Variants in CHST9 observed in about 807,000 individuals in gnomAD.
CHST9 encodes the protein GalNAc-4-sulfotransferase 2.
CHST9 carries 41 observed loss-of-function variants against 44.4 expected under a neutral mutation model. That is an observed-to-expected ratio of 0.92 (90% CI 0.72 to 1.20). The LOEUF is 1.20. CHST9 is among the 50% of genes most tolerant of loss of function. The probability of loss-of-function intolerance (pLI) is 0.00; values close to 1 mark genes in which losing one functional copy is unlikely to be tolerated. For missense variants in CHST9, 504 were observed against 516.5 expected (o/e 0.98, Z 0.23); for synonymous variants, 171 against 178.4 (o/e 0.96, Z 0.33).
chr18:26,941,545 T>A (rs898228435), intron 5 of CHST9, among the ~76,000 whole-genome samples: 5 of 151,956 alleles, frequency 3.3e-5, no homozygotes, highest in African/African-American at 1.2e-4. Context: ...ATCATAAAAA[T>A]TATTTAGAAA....
chr18:27,158,844 T>C (rs1017211044), intron 1 of CHST9, among the ~76,000 whole-genome samples: 2 of 152,226 alleles, frequency 1.3e-5, no homozygotes, highest in African/African-American at 4.8e-5. Context: ...TTTGCATTTC[T>C]CTGATGGCCA....
chr18:26,927,969 C>G (rs2055803649), intron 5 of CHST9, among the ~76,000 whole-genome samples: 1 of 149,408 alleles, frequency 6.7e-6, no homozygotes, highest in Admixed American at 6.8e-5. Flanking sequence ...TCCCTGGGTA[C>G]TTGAGATTAG....
intron 4 of CHST9, among the ~76,000 whole-genome samples, chr18:26,963,958 T>G (rs183452984): frequency 5.9e-5 from 9 of 152,246 alleles, no homozygotes; most frequent in Admixed American, 5.2e-4. Context: ...AACACAACCT[T>G]AAGAAGGAAA....
At chr18:27,071,175 A>G (rs2057835772) in intron 2 of CHST9, among the ~76,000 whole-genome samples, 2 of 152,150 alleles carry the variant, frequency 1.3e-5, no homozygotes, top group Non-Finnish European at 2.9e-5. Context: ...TCAGCTCTCT[A>G]GCACCTTTGT....
intron 2 of CHST9, among the ~76,000 whole-genome samples, chr18:27,085,821 A>G (rs1568166098): frequency 6.6e-6 from 1 of 152,210 alleles, no homozygotes. Flanking sequence ...ATGCATGTGT[A>G]TGTTCATTGC....
Position 27,016,176 on chromosome 18 carries a change from G to C in CHST9, c.202+7940C>G, listed in dbSNP as rs183618566. 2.6e-4 allele frequency among the ~76,000 whole-genome samples: 40 copies of C among 152,308 alleles called. No homozygotes were observed. The East Asian group carries it at 7.3e-3, about 28-fold the overall frequency. ...GCTATATACACCTCATGCTTCTTTT[G>C]TAAGGAGTGTGGCTTGGCTTATAAG... On this transcript the variant is annotated intron_variant, in intron 4 of 5. Transcript: ENST00000618847.
At chr18:26,958,934 G>C (rs1466777886) in intron 4 of CHST9, among the ~76,000 whole-genome samples, 2 of 152,170 alleles carry the variant, frequency 1.3e-5, no homozygotes, top group Admixed American at 1.3e-4. Context: ...ACTTAAAATG[G>C]AAGTTCCATT....
At chr18:27,135,393 A>C (rs2058505372) in intron 2 of CHST9, among the ~76,000 whole-genome samples, 1 of 152,176 alleles carries the variant, frequency 6.6e-6, no homozygotes, top group South Asian at 2.1e-4. Context: ...TTTATTGTTC[A>C]ACTTTTTATA....
At chr18:27,178,956 A>G (rs1471341111) in intron 1 of CHST9, among the ~76,000 whole-genome samples, 2 of 151,946 alleles carry the variant, frequency 1.3e-5, no homozygotes, top group Non-Finnish European at 2.9e-5. Flanking sequence ...TTAAAAATAT[A>G]AGCCTTAATA....
intron 3 of CHST9, among the ~76,000 whole-genome samples, chr18:27,030,996 C>T (rs1006817130): frequency 4.6e-5 from 7 of 152,098 alleles, no homozygotes; most frequent in African/African-American, 1.7e-4. Flanking sequence ...TTTAATAGTC[C>T]ACCCCACCCC....
intron 2 of CHST9, among the ~76,000 whole-genome samples, chr18:27,065,576 G>A (rs1008979800): frequency 2.2e-5 from 3 of 134,018 alleles, no homozygotes; most frequent in East Asian, 2.2e-4. Context: ...TTATAGAGTC[G>A]TTCACTGCTT....
At chr18:27,058,428 C>T (rs950097502) in intron 2 of CHST9, among the ~76,000 whole-genome samples, 1 of 152,166 alleles carries the variant, frequency 6.6e-6, no homozygotes, top group African/African-American at 2.4e-5. Context: ...CCCTTCCCCT[C>T]GAATCTCTGC....
chr18:26,928,930 G>C (rs1253211950), intron 5 of CHST9, among the ~76,000 whole-genome samples: 3 of 152,164 alleles, frequency 2.0e-5, no homozygotes, highest in Non-Finnish European at 4.4e-5. Flanking sequence ...CTCTTACAGA[G>C]AGTCCATTAA....
At chr18:27,142,591 T>C (rs2058576764) in intron 2 of CHST9, 98 bp downstream of exon 2, 5 of 853,564 alleles carry the variant, frequency 5.9e-6, no homozygotes, top group African/African-American at 1.8e-5. Context: ...GTTGAAAATA[T>C]TGTGATTCTC....
At position 27,146,684 on chromosome 18, in the gene CHST9, A is replaced by C. The variant is rs148809301; in HGVS notation, c.-96-3779T>G. ...ATATCTTGAGCCTAAAAGGTACTTAAAAACTTGTTGCATTGAACTGAATTT... is the reference window on the plus strand; with the variant it reads ...ATATCTTGAGCCTAAAAGGTACTTACAAACTTGTTGCATTGAACTGAATTT... On this transcript the variant is annotated intron_variant, in intron 1 of 5. Coordinates refer to ENST00000618847, the MANE Select transcript of CHST9 (RefSeq NM_031422.6). 8.3e-3 allele frequency among the ~76,000 whole-genome samples: 1,257 copies of C among 152,324 alleles called. 16 individuals carry two copies. Among genetic ancestry groups the C allele is most frequent in the African/African-American group, 0.028 (1,148 of 41,562 alleles).
At chr18:27,157,535 G>A (rs1184308874) in intron 1 of CHST9, among the ~76,000 whole-genome samples, 1 of 152,100 alleles carries the variant, frequency 6.6e-6, no homozygotes, top group African/African-American at 2.4e-5. Context: ...GACTAAAACA[G>A]CAGAGGTCCT....
chr18:26,954,680 T>A (rs1041009979), intron 4 of CHST9, among the ~76,000 whole-genome samples: 3 of 152,154 alleles, frequency 2.0e-5, no homozygotes, highest in Admixed American at 6.5e-5. Context: ...ACTTTAATAT[T>A]AAGACGTCAG....
intron 2 of CHST9, among the ~76,000 whole-genome samples, chr18:27,065,602 T>A (rs2057773723): frequency 7.0e-6 from 1 of 143,276 alleles, no homozygotes; most frequent in Non-Finnish European, 1.5e-5. Context: ...TTTTTTTTTT[T>A]GAGAGAGATA....
chr18:26,975,439 C>G (rs780198682), intron 4 of CHST9, among the ~76,000 whole-genome samples: 1 of 151,904 alleles, frequency 6.6e-6, no homozygotes, highest in African/African-American at 2.4e-5. Context: ...CTGCCCCCAC[C>G]ACTCCGAGTC....
Sources: allele counts gnomAD v4.1 joint callset (sites outside exome capture counted in the v4.1 genomes callset), GRCh38; gene constraint gnomAD v4.1.1; transcripts MANE v1.5; gene names NCBI Gene and HGNC (gene_info 2026-07-23, HGNC 2026-07-21).